ZNF746: variants seen among roughly 807,000 people sequenced by gnomAD.
ZNF746 encodes the protein parkin-interacting substrate.
Under a neutral mutation model 41.0 loss-of-function variants are expected in ZNF746, and 13 were observed. The observed-to-expected ratio is 0.32, with a 90% confidence interval of 0.21 to 0.50. The LOEUF is 0.50. Ranked by LOEUF, ZNF746 falls within the 20% of genes least tolerant of loss-of-function variation. The pLI is 0.98. For synonymous variants in ZNF746, 424 were observed against 396.2 expected, an observed-to-expected ratio of 1.07 and a Z score of -0.83; for missense variants, 811 against 922.9, an observed-to-expected ratio of 0.88 and a Z score of 1.57.
intron 4 of ZNF746, chr7:149,489,269 ACAC>A (rs1800723492): frequency 6.6e-6 from 1 of 151,040 alleles, no homozygotes; most frequent in Admixed American, 6.7e-5. Flanking sequence ...ACACACACAC[ACAC>A]ACGTTTTAAA....
intron 5 of ZNF746, 94 bp from the exon 6 acceptor site, chr7:149,477,141 C>T (rs1464948677): frequency 6.2e-6 from 9 of 1,441,940 alleles, no homozygotes; most frequent in South Asian, 1.4e-5. Flanking sequence ...CTCTGAGGTC[C>T]CCCCACTGGG....
intron 4 of ZNF746, chr7:149,489,059 T>C (rs1585735732): frequency 1.3e-5 from 2 of 152,332 alleles, no homozygotes; most frequent in Admixed American, 6.5e-5. Context: ...GTGATAAATA[T>C]AATGACATCT....
rs553710582 is a variant in ZNF746, at chr7:149,474,823, C to T, written c.1544G>A (p.Ser515Asn). The T allele has an allele frequency of 3.2e-4, 464 of 1,432,838 alleles. 2 individuals are homozygous for T. The African/African-American group carries it at 6.2e-3, about 19-fold the overall frequency. The allele number at this position is 1,432,838 out of a possible 1,614,324, so 88.8% of individuals were successfully genotyped here. The stretch of plus-strand genomic sequence containing the variant: ...GCCATCCCGTGCGCTGCCCCCACCG[C>T]TGCCGCCACCGCCGCCGCCACTGCC... ...GSGSGGGGGG[S>N]GGGSARDGSA... is the part of the protein sequence containing the mutation. Residue 515 changes from serine (S) to asparagine (N), a missense_variant, in exon 7 of 7, where the codon AGC becomes AAC. Coordinates refer to ENST00000458143, the MANE Select transcript of ZNF746 (RefSeq NM_001394198.1). This position sits in a 1 kb window ranked among gnomAD's most constrained non-coding sequence, Gnocchi z 6.3.
Position 149,475,099 on chromosome 7 carries a change from T to C in ZNF746, c.1268A>G (p.Asn423Ser). 1.2e-6 allele frequency: 2 copies of C among 1,607,814 alleles called. No homozygotes were observed. The highest frequency in any genetic ancestry group is 1.7e-6 in the Non-Finnish European group (2 of 1,177,952). Residue 423 changes from asparagine (N) to serine (S), a missense_variant, in exon 7 of 7, where the codon AAC becomes AGC. Asn to Ser is a conservative substitution (Grantham distance 46, BLOSUM62 1). This residue lies in a region of ZNF746 where 495 missense variants were observed against 481.6 expected (regional missense o/e 1.03). Transcript: ENST00000458143. The part of the protein sequence containing the change: ...PEGLPYSSPD[N>S]GEAILDPSQA... Reference sequence around the variant, plus strand: ...GCTGGGGTCCAAGATGGCCTCTCCGTTGTCCGGGGAGGAGTAAGGAAGCCC... The same window carrying C: ...GCTGGGGTCCAAGATGGCCTCTCCGCTGTCCGGGGAGGAGTAAGGAAGCCC...
At chr7:149,484,949 A>G (rs1314042297) in intron 4 of ZNF746, among the ~76,000 whole-genome samples, 1 of 152,114 alleles carries the variant, frequency 6.6e-6, no homozygotes, top group Non-Finnish European at 1.5e-5. Context: ...GAAAGAAAAC[A>G]AAAGAGGAAG....
intron 5 of ZNF746, 121 bp downstream of exon 5, chr7:149,477,443 C>T: frequency 1.6e-6 from 2 of 1,223,904 alleles, no homozygotes; most frequent in Non-Finnish European, 2.3e-6. Context: ...GGGAAAATTT[C>T]TAAAGTTGTC....
chr7:149,474,112 TAAAA>T lies in ZNF746; in HGVS notation c.*268_*271del. 2.1e-6 allele frequency: 1 copy of T among 478,014 alleles called. No individual in the cohort carries two copies. The highest frequency in any genetic ancestry group is 3.7e-6 in the Non-Finnish European group (1 of 266,916). 29.6% of individuals were successfully genotyped at this position (478,014 alleles called of 1,614,324 possible). Reference sequence around the variant, plus strand: ...ATTTTCCAGCTTTTTCCTCAAGAATTAAAAAAAAACAAAAAACAAAAAACAAAAC... The same window carrying T: ...ATTTTCCAGCTTTTTCCTCAAGAATTAAAAACAAAAAACAAAAAACAAAAC... On this transcript the variant is annotated 3_prime_UTR_variant, in exon 7 of 7. Transcript: ENST00000458143. This position sits in a 1 kb window ranked among gnomAD's most constrained non-coding sequence, Gnocchi z 6.3.
chr7:149,493,960 T>C (rs751779289), intron 3 of ZNF746, 29 bp downstream of exon 3: 1 of 1,614,124 alleles, frequency 6.2e-7, no homozygotes, highest in East Asian at 2.2e-5. Flanking sequence ...AAAATCCCAT[T>C]TAACAGAGAA....
intron 6 of ZNF746, among the ~76,000 whole-genome samples, chr7:149,476,053 G>A (rs1172555826): frequency 6.6e-6 from 1 of 152,156 alleles, no homozygotes; most frequent in Non-Finnish European, 1.5e-5. Context: ...GGTGGCTCAC[G>A]CCTATAATCC....
intron 5 of ZNF746, among the ~76,000 whole-genome samples, chr7:149,477,303 T>C (rs1800337289): frequency 6.6e-6 from 1 of 151,946 alleles, no homozygotes; most frequent in Admixed American, 6.5e-5. Flanking sequence ...TGCCCAATGC[T>C]GGGGCAAGAG....
chr7:149,479,228 A>G (rs1227414899), intron 4 of ZNF746, among the ~76,000 whole-genome samples: 1 of 152,242 alleles, frequency 6.6e-6, no homozygotes, highest in Non-Finnish European at 1.5e-5. Flanking sequence ...GACAACATTC[A>G]TGTGAAATGG....
rs746923524 is a variant in ZNF746 at position 149,491,913 on chromosome 7, A to G, written c.565+946T>C. The G allele has an allele frequency of 7.1e-6, 5 of 701,972 alleles. No individual in the cohort carries two copies. In the South Asian group the frequency reaches 7.4e-5, roughly 10 times the overall value. 43.5% of individuals were successfully genotyped at this position (701,972 alleles called of 1,614,324 possible). On this transcript the variant is annotated intron_variant, in intron 4 of 6. Coordinates refer to ENST00000458143, the MANE Select transcript of ZNF746 (RefSeq NM_001394198.1). ...CCACCTGTCCTTCCCTTAACTTTCA[A>G]AGGTGCTGACTGGCTCCAGGGAAAT...
In ZNF746 at chr7:149,497,046, T is replaced by C. The variant is rs1801022049; in HGVS notation, c.24+467A>G. 1 of 985,382 alleles carries C rather than the reference T, an allele frequency of 1.0e-6. No homozygotes were observed. Among genetic ancestry groups the C allele is most frequent in the Admixed American group, 6.1e-5 (1 of 16,284 alleles). 61.0% of individuals were successfully genotyped at this position (985,382 alleles called of 1,614,324 possible). ...TGGAAGTGCGTGGCTCTATATTCCC[T>C]TCCGCGCCGACCCCGGGAAGCTGGG... On this transcript the variant is annotated intron_variant, in intron 1 of 6. Coordinates refer to ENST00000458143, the MANE Select transcript of ZNF746 (RefSeq NM_001394198.1). This position sits in a 1 kb window ranked among gnomAD's most constrained non-coding sequence, Gnocchi z 4.2.
chr7:149,475,178 A>G lies in ZNF746; in HGVS notation c.1189T>C (p.Trp397Arg), dbSNP rs762303049. 1 of 1,612,558 alleles carries G rather than the reference A, an allele frequency of 6.2e-7. No individual in the cohort carries two copies. The highest frequency in any genetic ancestry group is 8.5e-7 in the Non-Finnish European group (1 of 1,179,758). Reference protein sequence around the residue: ...DWLFGGVRWGWNFRCKPPVGL... With the variant: ...DWLFGGVRWGRNFRCKPPVGL... Reference sequence around the variant, plus strand: ...ACTGGCGGTTTACACCGGAAATTCCAGCCCCACCGGACCCCTCCGAAGAGC... The same window carrying G: ...ACTGGCGGTTTACACCGGAAATTCCGGCCCCACCGGACCCCTCCGAAGAGC... The change falls in exon 7 of 7, where the codon TGG becomes CGG. Residue 397 changes from tryptophan to arginine, a missense_variant. Coordinates refer to ENST00000458143, the MANE Select transcript of ZNF746 (RefSeq NM_001394198.1).
rs1173217073 is a variant in ZNF746, at chr7:149,475,201, A to T, written c.1166T>A (p.Leu389His). Reference sequence around the variant, plus strand: ...CCAGCCCCACCGGACCCCTCCGAAGAGCCAGTCCCCAGGAGGGGTCTCCTC... The same window carrying T: ...CCAGCCCCACCGGACCCCTCCGAAGTGCCAGTCCCCAGGAGGGGTCTCCTC... The part of the protein sequence containing the change: ...AQEETPPGDW[L>H]FGGVRWGWNF... The change falls in exon 7 of 7, where the codon CTC becomes CAC. Residue 389 changes from leucine to histidine, a missense_variant. Physicochemically the swap from Leu to His is moderately conservative, Grantham distance 99. Transcript: ENST00000458143. 6.2e-7 allele frequency: 1 copy of T among 1,612,742 alleles called. No homozygotes were observed. The highest frequency in any genetic ancestry group is 8.5e-7 in the Non-Finnish European group (1 of 1,179,726).
intron 4 of ZNF746, among the ~76,000 whole-genome samples, chr7:149,492,108 T>G (rs1407639358): frequency 6.6e-6 from 1 of 152,208 alleles, no homozygotes; most frequent in African/African-American, 2.4e-5. Context: ...AGCTTTGGAT[T>G]AATTTTGTTG....
rs1206344048 is a variant in ZNF746, at chr7:149,497,553, G to T, written c.-17C>A. 1.6e-5 allele frequency: 17 copies of T among 1,065,438 alleles called. 1 individual carries two copies. In the East Asian group the frequency reaches 1.0e-3, roughly 65 times the overall value. The allele number at this position is 1,065,438 out of a possible 1,614,324, so 66.0% of individuals were successfully genotyped here. On this transcript the variant is annotated 5_prime_UTR_variant, in exon 1 of 7. Transcript: ENST00000458143. This position sits in a 1 kb window ranked among gnomAD's most constrained non-coding sequence, Gnocchi z 4.2. ...CTCGGCCATGGCCCTGCGCTGTCCCGCCCGGCCCGGAGGAAGTCGTCGTCG... is the reference window on the plus strand; with the variant it reads ...CTCGGCCATGGCCCTGCGCTGTCCCTCCCGGCCCGGAGGAAGTCGTCGTCG...
chr7:149,482,106 T>A (rs1413621836), intron 4 of ZNF746, among the ~76,000 whole-genome samples: 1 of 152,242 alleles, frequency 6.6e-6, no homozygotes, highest in Non-Finnish European at 1.5e-5. Flanking sequence ...TCACGGCTTG[T>A]TTTTGTACAC....
Position 149,475,144 on chromosome 7 carries a change from T to TTCAGTG in ZNF746, c.1222_1223insCACTGA (p.Leu407_Asn408insThrLeu), listed in dbSNP as rs1800252113. The TTCAGTG allele has an allele frequency of 6.2e-7, 1 of 1,612,644 alleles. No homozygotes were observed. Among genetic ancestry groups the TTCAGTG allele is most frequent in the African/African-American group, 1.3e-5 (1 of 75,016 alleles). ...AAGCCCCTCGGGCCCCGTCCTCGGGTTCAGGCCCACTGGCGGTTTACACCG... is the reference window on the plus strand; with the variant it reads ...AAGCCCCTCGGGCCCCGTCCTCGGGTTCAGTGTCAGGCCCACTGGCGGTTTACACCG... On this transcript the variant is annotated inframe_insertion, in exon 7 of 7. Transcript: ENST00000458143.
Sources: allele counts gnomAD v4.1 joint callset (sites outside exome capture counted in the v4.1 genomes callset), GRCh38; gene constraint gnomAD v4.1.1; regional missense constraint gnomAD v4.1.1; non-coding constraint Gnocchi (gnomAD v3.1); transcripts MANE v1.5; gene names NCBI Gene and HGNC (gene_info 2026-07-23, HGNC 2026-07-21).